COL11A1: variants seen among roughly 807,000 people sequenced by gnomAD.
COL11A1 encodes collagen type XI alpha 1 chain.
In COL11A1, 74 loss-of-function variants were observed where a neutral mutation model predicts 265.2. That is an observed-to-expected ratio of 0.28 (90% CI 0.23 to 0.34). The LOEUF (loss-of-function observed/expected upper bound fraction) is 0.34, where lower values mean the gene tolerates loss of function less well. Among genes scored for constraint, COL11A1 ranks in the 10% least tolerant of loss-of-function variants. The pLI is 1.00. For synonymous variants in COL11A1, 816 were observed against 727.6 expected, an observed-to-expected ratio of 1.12 and a Z score of -1.96; for missense variants, 2,165 against 2,263.6, an observed-to-expected ratio of 0.96 and a Z score of 0.88.
rs763336669 is a variant in COL11A1 at position 102,888,772 on chromosome 1, A to G, written c.4519-14T>C. The stretch of plus-strand genomic sequence containing the variant: ...GCCTTGAGGACCCTACAAAATGCAA[A>G]TGCAAAAGCACAGATAAAAATCTGG... On this transcript the variant is annotated splice_polypyrimidine_tract_variant and intron_variant, in intron 60 of 66. Coordinates refer to ENST00000370096, the MANE Select transcript of COL11A1 (RefSeq NM_001854.4). 2 of 1,613,916 alleles carry G rather than the reference A, an allele frequency of 1.2e-6. No homozygotes were observed. Among genetic ancestry groups the G allele is most frequent in the East Asian group, 4.5e-5 (2 of 44,870 alleles).
chr1:103,009,337 C>T (rs901525259), intron 14 of COL11A1, among the ~76,000 whole-genome samples: 5 of 152,106 alleles, frequency 3.3e-5, no homozygotes, highest in East Asian at 1.9e-4. Flanking sequence ...TTGCTTGAAA[C>T]GGACAGGCAG....
At chr1:103,106,363 C>A (rs1013946444) in intron 1 of COL11A1, among the ~76,000 whole-genome samples, 1 of 152,142 alleles carries the variant, frequency 6.6e-6, no homozygotes, top group Non-Finnish European at 1.5e-5. Flanking sequence ...CATTTACATG[C>A]GTGTGTGACA....
Position 102,987,617 on chromosome 1 carries a change from A to T in COL11A1, c.2502+16T>A. On this transcript the variant is annotated intron_variant, in intron 30 of 66. Transcript: ENST00000370096. ...CAGCTGCAAGAGTACCAGTGAATTT[A>T]AAGTCATTTACCAACCTTTTCTCCT... The T allele has an allele frequency of 1.3e-6, 2 of 1,594,980 alleles. No homozygotes were observed. Among genetic ancestry groups the T allele is most frequent in the Admixed American group, 1.7e-5 (1 of 59,898 alleles).
intron 44 of COL11A1, 128 bp from the exon 45 acceptor site, chr1:102,935,241 T>C (rs1269979465): frequency 1.4e-6 from 1 of 722,028 alleles, no homozygotes; most frequent in Non-Finnish European, 2.4e-6. Flanking sequence ...AAGCATCACA[T>C]AGAATTATTT....
chr1:102,930,344 G>T (rs1265714333), intron 46 of COL11A1, among the ~76,000 whole-genome samples: 2 of 151,916 alleles, frequency 1.3e-5, no homozygotes, highest in Non-Finnish European at 2.9e-5. Flanking sequence ...CATCTATTGA[G>T]ATAATCATGT....
chr1:102,945,957 G>T (rs906030888), intron 42 of COL11A1, among the ~76,000 whole-genome samples: 9 of 148,120 alleles, frequency 6.1e-5, no homozygotes, highest in African/African-American at 2.0e-4. Context: ...ACTGGATTAA[G>T]AAAATGTGGC....
intron 4 of COL11A1, among the ~76,000 whole-genome samples, chr1:103,033,263 T>G (rs933732024): frequency 6.6e-6 from 1 of 152,106 alleles, no homozygotes; most frequent in Non-Finnish European, 1.5e-5. Context: ...TTATTTATTA[T>G]TTTGCTATTT....
chr1:103,035,414 C>T (rs976129405), intron 4 of COL11A1, among the ~76,000 whole-genome samples: 1 of 152,056 alleles, frequency 6.6e-6, no homozygotes, highest in Non-Finnish European at 1.5e-5. Context: ...CTCAAAAACA[C>T]ACATCCACTA....
chr1:103,093,124 T>G (rs568295556), intron 1 of COL11A1, among the ~76,000 whole-genome samples: 1 of 151,986 alleles, frequency 6.6e-6, no homozygotes, highest in South Asian at 2.1e-4. Context: ...TTTATGTGGG[T>G]GAGGGTGGCT....
intron 41 of COL11A1, among the ~76,000 whole-genome samples, chr1:102,954,701 C>T (rs1660198329): frequency 6.6e-6 from 1 of 151,980 alleles, no homozygotes; most frequent in Non-Finnish European, 1.5e-5. Context: ...AAAAATTATC[C>T]GGGTTGGTGG....
At chr1:103,056,863 C>G (rs1022039560) in intron 4 of COL11A1, among the ~76,000 whole-genome samples, 3 of 152,024 alleles carry the variant, frequency 2.0e-5, no homozygotes, top group African/African-American at 4.8e-5. Flanking sequence ...ATGTATGTAT[C>G]TTAATATAAA....
At chr1:103,002,340 T>A in intron 23 of COL11A1, 88 bp downstream of exon 23, 1 of 1,137,646 alleles carries the variant, frequency 8.8e-7, no homozygotes, top group African/African-American at 1.5e-5. Flanking sequence ...TAGGACTACA[T>A]AGAAAATTGT....
chr1:102,980,879 G>A (rs1662970030), intron 31 of COL11A1, among the ~76,000 whole-genome samples: 1 of 152,066 alleles, frequency 6.6e-6, no homozygotes, highest in Non-Finnish European at 1.5e-5. Context: ...TGAAATCTTA[G>A]AAGTCTTGAA....
At chr1:102,881,591 C>T in intron 65 of COL11A1, 106 bp downstream of exon 65, 1 of 918,184 alleles carries the variant, frequency 1.1e-6, no homozygotes, top group Non-Finnish European at 1.8e-6. Flanking sequence ...AGGGAATCCT[C>T]ATTTAGCATA....
chr1:103,084,420 A>G (rs1419544210), intron 1 of COL11A1, among the ~76,000 whole-genome samples: 2 of 152,080 alleles, frequency 1.3e-5, no homozygotes, highest in Non-Finnish European at 2.9e-5. Context: ...ATTTGAACAC[A>G]ATGTTCACTG....
At chr1:102,914,054 A>G (rs1205822108) in intron 52 of COL11A1, among the ~76,000 whole-genome samples, 1 of 152,200 alleles carries the variant, frequency 6.6e-6, no homozygotes, top group Non-Finnish European at 1.5e-5. Flanking sequence ...AGATCCTGTA[A>G]CTTTGAAATA....
chr1:102,923,339 G>C lies in COL11A1; in HGVS notation c.3651C>G (p.Pro1217=). 6.2e-7 allele frequency: 1 copy of C among 1,606,506 alleles called. No individual in the cohort carries two copies. Among genetic ancestry groups the C allele is most frequent in the Non-Finnish European group, 8.5e-7 (1 of 1,175,576 alleles). Residue 1217 remains proline (P), a synonymous_variant, in exon 47 of 67, where the codon CCC becomes CCG. Transcript: ENST00000370096. Reference sequence around the variant, plus strand: ...AACACCAAAAATAAAAACTTACCATGGGACCAACATCCCCATTTTCACCTT... The same window carrying C: ...AACACCAAAAATAAAAACTTACCATCGGACCAACATCCCCATTTTCACCTT... ...GEKGENGDVG[P]MGPPGPPGPR...
intron 44 of COL11A1, among the ~76,000 whole-genome samples, chr1:102,937,170 A>T (rs1012696763): frequency 4.6e-5 from 7 of 152,280 alleles, no homozygotes; most frequent in Non-Finnish European, 1.0e-4. Flanking sequence ...GCTTTCATTC[A>T]TATGATAGTA....
intron 12 of COL11A1, 49 bp downstream of exon 12, chr1:103,015,619 A>C (rs1666498728): frequency 7.2e-7 from 1 of 1,383,978 alleles, no homozygotes; most frequent in African/African-American, 1.4e-5. Context: ...ACTTCAGAAA[A>C]AAGATGACAA....
Sources: gnomAD v4.1 joint callset for allele counts (sites outside exome capture counted in the v4.1 genomes callset) on GRCh38, gnomAD v4.1.1 for gene constraint, MANE v1.5 for transcripts, NCBI Gene and HGNC (gene_info 2026-07-23, HGNC 2026-07-21) for gene names.